Variants in FRAS1 observed in about 807,000 individuals in gnomAD.
FRAS1 encodes extracellular matrix organizing protein FRAS1.
Under a neutral mutation model 435.2 loss-of-function variants are expected in FRAS1, and 290 were observed. That is an observed-to-expected ratio of 0.67 (90% confidence interval 0.61 to 0.73). FRAS1 has a LOEUF of 0.73. Ranked by LOEUF, FRAS1 falls within the 30% of genes least tolerant of loss-of-function variation. The probability of loss-of-function intolerance (pLI) is 0.00; values close to 1 mark genes in which losing one functional copy is unlikely to be tolerated. For missense variants in FRAS1, 4,860 were observed against 5,001.5 expected (o/e 0.97, Z 0.85); for synonymous variants, 1,800 against 1,851.0 (o/e 0.97, Z 0.71).
chr4:78,143,906 A>G (rs1392394677), intron 2 of FRAS1, among the ~76,000 whole-genome samples: 1 of 148,904 alleles, frequency 6.7e-6, no homozygotes, highest in African/African-American at 2.4e-5. Flanking sequence ...CCTGTCTCAA[A>G]AAAAAAAAAA....
intron 2 of FRAS1, among the ~76,000 whole-genome samples, chr4:78,224,667 G>A (rs1194706193): frequency 1.3e-5 from 2 of 151,938 alleles, no homozygotes; most frequent in Non-Finnish European, 2.9e-5. Flanking sequence ...CATGTAGCTG[G>A]GTCCACAGGT....
At chr4:78,321,358 G>A (rs879508710) in intron 18 of FRAS1, among the ~76,000 whole-genome samples, 2 of 152,164 alleles carry the variant, frequency 1.3e-5, no homozygotes, top group Admixed American at 6.5e-5. Context: ...TCCAGTATCC[G>A]TGCTATAAAC....
rs367695101 is a variant in FRAS1 at position 78,190,468 on chromosome 4, G to A, written c.109-47042G>A. Among the ~76,000 whole-genome samples, 381 of 149,664 alleles carry A rather than the reference G, an allele frequency of 2.5e-3. 1 individual carries two copies. The highest frequency in any genetic ancestry group is 8.7e-3 in the African/African-American group (354 of 40,658). On this transcript the variant is annotated intron_variant, in intron 2 of 73. Coordinates refer to ENST00000512123, the MANE Select transcript of FRAS1 (RefSeq NM_025074.7). ...CACTGCTTTTTTTTTTCTTCCCATTGTTTGGTTATTTACTGTTTATCATCA... is the reference window on the plus strand; with the variant it reads ...CACTGCTTTTTTTTTTCTTCCCATTATTTGGTTATTTACTGTTTATCATCA...
chr4:78,504,245 A>G (rs1720765410), intron 61 of FRAS1, among the ~76,000 whole-genome samples: 2 of 152,198 alleles, frequency 1.3e-5, no homozygotes, highest in South Asian at 4.1e-4. Flanking sequence ...CTTGCTGCAG[A>G]GCTAAGTTCA....
chr4:78,512,825 C>T (rs1006558136), intron 64 of FRAS1, among the ~76,000 whole-genome samples: 1 of 152,194 alleles, frequency 6.6e-6, no homozygotes, highest in Non-Finnish European at 1.5e-5. Context: ...ATAGGACTTA[C>T]AGGCAGACTG....
intron 2 of FRAS1, among the ~76,000 whole-genome samples, chr4:78,133,978 G>C: frequency 1.1e-5 from 1 of 91,124 alleles, no homozygotes; most frequent in Middle Eastern, 6.1e-3. Context: ...TTTTTTTTTT[G>C]AGATGGACTC....
intron 16 of FRAS1, among the ~76,000 whole-genome samples, chr4:78,316,765 C>G (rs1339042918): frequency 6.6e-6 from 1 of 152,222 alleles, no homozygotes; most frequent in Non-Finnish European, 1.5e-5. Flanking sequence ...AATGTCAAAG[C>G]TGGAAGTATC....
At position 78,382,759 on chromosome 4, in the gene FRAS1, A is replaced by G. The variant is rs190192283; in HGVS notation, c.3564-1300A>G. Among the ~76,000 whole-genome samples, 442 of 152,360 alleles carry G rather than the reference A, an allele frequency of 2.9e-3. 1 individual carries two copies. Among genetic ancestry groups the G allele is most frequent in the African/African-American group, 9.4e-3 (390 of 41,582 alleles). ...TTCGCAGTCTTGTGACCACAACCAT[A>G]GTCAATATGTAAAATAGTTCCGTAA... On this transcript the variant is annotated intron_variant, in intron 27 of 73. Transcript: ENST00000512123.
At chr4:78,315,766 A>G (rs947127069) in intron 16 of FRAS1, 32 bp downstream of exon 16, 4 of 1,612,464 alleles carry the variant, frequency 2.5e-6, no homozygotes, top group East Asian at 2.2e-5. Context: ...TCATCATCAA[A>G]AAGTATTGAG....
chr4:78,417,208 A>T (rs1733585752), intron 32 of FRAS1, among the ~76,000 whole-genome samples: 2 of 152,330 alleles, frequency 1.3e-5, no homozygotes, highest in South Asian at 4.1e-4. Flanking sequence ...GTATCAATAA[A>T]TTTCAAAATA....
chr4:78,154,113 T>C lies in FRAS1; in HGVS notation c.109-83397T>C, dbSNP rs548082455. On this transcript the variant is annotated intron_variant, in intron 2 of 73. Coordinates refer to ENST00000512123, the MANE Select transcript of FRAS1 (RefSeq NM_025074.7). ...CACTTGTAATTTATAGTTTTTTTTT[T>C]CTTTTTGCTATTTCATGAGGCTAAG... Among the ~76,000 whole-genome samples, 8 of 152,264 alleles carry C rather than the reference T, an allele frequency of 5.3e-5. No individual in the cohort carries two copies. In the East Asian group the frequency reaches 1.3e-3, roughly 26 times the overall value.
chr4:78,118,122 G>T (rs533202839), intron 2 of FRAS1, among the ~76,000 whole-genome samples: 1 of 152,350 alleles, frequency 6.6e-6, no homozygotes, highest in Non-Finnish European at 1.5e-5. Context: ...CTGGGTATCA[G>T]CAGCGGAGCC....
chr4:78,371,759 C>T (rs2110307471), intron 23 of FRAS1, among the ~76,000 whole-genome samples: 1 of 152,346 alleles, frequency 6.6e-6, no homozygotes, highest in South Asian at 2.1e-4. Context: ...CCAGCTACAA[C>T]ACTGGCTTTC....
chr4:78,116,974 G>A (rs973860205), intron 2 of FRAS1, among the ~76,000 whole-genome samples: 1 of 152,188 alleles, frequency 6.6e-6, no homozygotes, highest in African/African-American at 2.4e-5. Flanking sequence ...CTTACCAGTT[G>A]TTCCTTTCCA....
intron 18 of FRAS1, among the ~76,000 whole-genome samples, chr4:78,327,941 C>T: frequency 6.6e-6 from 1 of 152,148 alleles, no homozygotes; most frequent in Non-Finnish European, 1.5e-5. Flanking sequence ...AAAAAAGATA[C>T]TTTAAGAGGA....
chr4:78,115,714 C>T (rs984414510), intron 2 of FRAS1, among the ~76,000 whole-genome samples: 15 of 152,026 alleles, frequency 9.9e-5, no homozygotes, highest in African/African-American at 3.4e-4. Flanking sequence ...TTTGATTCTT[C>T]TCTCTTTTCT....
chr4:78,386,020 A>G (rs10008117), intron 28 of FRAS1, among the ~76,000 whole-genome samples: 21,193 of 151,976 alleles, frequency 0.14, 1,856 homozygotes, highest in African/African-American at 0.25. Flanking sequence ...TTTTTGTTTG[A>G]GCTAATAAAG....
intron 6 of FRAS1, among the ~76,000 whole-genome samples, chr4:78,262,487 G>T (rs956434490): frequency 1.3e-5 from 2 of 152,186 alleles, no homozygotes; most frequent in African/African-American, 4.8e-5. Flanking sequence ...GGGAAGAGAT[G>T]ATGGTTCTTA....
intron 36 of FRAS1, 33 bp from the exon 37 acceptor site, chr4:78,430,259 C>A (rs1194889804): frequency 6.2e-7 from 1 of 1,613,292 alleles, no homozygotes; most frequent in Non-Finnish European, 8.5e-7. Flanking sequence ...CATACGCTTT[C>A]TCTCTCACCA....
Sources: gnomAD v4.1 joint callset for allele counts (sites outside exome capture counted in the v4.1 genomes callset) on GRCh38, gnomAD v4.1.1 for gene constraint, MANE v1.5 for transcripts, NCBI Gene and HGNC (gene_info 2026-07-23, HGNC 2026-07-21) for gene names.